The following DIAPH2 variants were observed in gnomAD, a reference collection of about 807,000 sequenced individuals.
The protein encoded by DIAPH2 is diaphanous related formin 2.
Under a neutral mutation model 92.7 loss-of-function variants are expected in DIAPH2, and 35 were observed. The ratio of observed to expected loss-of-function variants is 0.38; its 90% CI spans 0.29 to 0.50. The LOEUF (loss-of-function observed/expected upper bound fraction) is 0.50, where lower values mean the gene tolerates loss of function less well. Ranked by LOEUF, DIAPH2 falls within the 20% of genes least tolerant of loss-of-function variation. The pLI is 0.94. For missense variants in DIAPH2, 701 were observed against 819.5 expected, an observed-to-expected ratio of 0.86 and a Z score of 1.77; for synonymous variants, 301 against 280.4, an observed-to-expected ratio of 1.07 and a Z score of -0.73.
At chrX:96,885,046 G>A (rs2065250351) in intron 5 of DIAPH2, 2 of 1,208,478 alleles carry the variant, frequency 1.7e-6, no homozygotes, top group Non-Finnish European at 2.2e-6. Context: ...GACCGTTGAG[G>A]GCCACATCTA....
chrX:96,978,135 G>A (rs759335823), intron 17 of DIAPH2, among the ~76,000 whole-genome samples: 1 of 111,930 alleles, frequency 8.9e-6, no homozygotes, highest in African/African-American at 3.2e-5. Context: ...TATCTTGCAT[G>A]ATATAAGAAG....
intron 26 of DIAPH2, among the ~76,000 whole-genome samples, chrX:97,595,085 C>T (rs1266909316): frequency 8.9e-6 from 1 of 112,158 alleles, no homozygotes; most frequent in East Asian, 2.8e-4. Context: ...TCCAGTCTAT[C>T]TCATGTCACA....
chrX:97,288,557 C>G (rs1280535215), intron 23 of DIAPH2, among the ~76,000 whole-genome samples: 1 of 110,167 alleles, frequency 9.1e-6, no homozygotes, highest in Non-Finnish European at 1.9e-5. Flanking sequence ...GCCTGGCCAA[C>G]ATGGTGAACC....
chrX:97,293,660 T>C, intron 23 of DIAPH2, among the ~76,000 whole-genome samples: 1 of 112,283 alleles, frequency 8.9e-6, no homozygotes, highest in South Asian at 3.6e-4. Context: ...AGGAACTTTA[T>C]ATTTTATAAA....
At chrX:96,848,228 G>T (rs2064985217) in intron 4 of DIAPH2, among the ~76,000 whole-genome samples, 1 of 110,334 alleles carries the variant, frequency 9.1e-6, no homozygotes, top group African/African-American at 3.3e-5. Context: ...TTTTTGTAGA[G>T]TTGGGGTCTC....
chrX:96,997,859 G>A (rs750816711), intron 17 of DIAPH2, among the ~76,000 whole-genome samples: 2 of 112,119 alleles, frequency 1.8e-5, no homozygotes, highest in African/African-American at 6.5e-5. Flanking sequence ...TATATTAAAT[G>A]TCACACTTTT....
intron 26 of DIAPH2, among the ~76,000 whole-genome samples, chrX:97,544,006 T>A (rs902909831): frequency 3.6e-5 from 4 of 112,296 alleles, no homozygotes; most frequent in Non-Finnish European, 7.5e-5. Flanking sequence ...TAAATGTAAA[T>A]AGATCGTTTG....
chrX:97,083,098 G>T (rs928293566), intron 19 of DIAPH2, among the ~76,000 whole-genome samples: 1 of 111,351 alleles, frequency 9.0e-6, no homozygotes, highest in African/African-American at 3.3e-5. Context: ...TTTTTGCAAG[G>T]TTCTATTATA....
intron 17 of DIAPH2, among the ~76,000 whole-genome samples, chrX:97,028,301 ACTCT>A (rs927233772): frequency 1.8e-5 from 2 of 109,559 alleles, no homozygotes; most frequent in African/African-American, 6.6e-5. Flanking sequence ...TACTGAAACT[ACTCT>A]CTCTATTGCC....
In DIAPH2 at chrX:96,933,560, GTA is replaced by G. The variant is rs753351090; in HGVS notation, c.1089+2731_1089+2732del. 9.1e-3 allele frequency among the ~76,000 whole-genome samples: 904 copies of G among 99,156 alleles called. 5 individuals are homozygous for G. The highest frequency in any genetic ancestry group is 0.021 in the African/African-American group (582 of 27,455). 86.1% of individuals were successfully genotyped at this position (99,156 alleles called of 115,157 possible). A position where few individuals can be genotyped will look rare whatever the true frequency, so the allele number is the denominator to read the frequency against. On this transcript the variant is annotated intron_variant, in intron 10 of 26. Transcript: ENST00000324765. Reference sequence around the variant, plus strand: ...TATGTGTATATATATATGTGTGTGTGTATATATATATATATTTATATATTTTA... The same window carrying G: ...TATGTGTATATATATATGTGTGTGTGTATATATATATATTTATATATTTTA...
chrX:97,361,733 C>G (rs1191410042), intron 24 of DIAPH2, among the ~76,000 whole-genome samples: 3 of 111,813 alleles, frequency 2.7e-5, no homozygotes, highest in Non-Finnish European at 5.6e-5. Context: ...TTCCAGGCAT[C>G]ACATTCAAAT....
chrX:97,238,094 G>A (rs1172186666), intron 22 of DIAPH2, among the ~76,000 whole-genome samples: 3 of 112,206 alleles, frequency 2.7e-5, no homozygotes, highest in Non-Finnish European at 5.6e-5. Context: ...GGAAGGGACT[G>A]GGATTCTTCA....
chrX:96,713,784 TA>T (rs1419380887), intron 1 of DIAPH2, among the ~76,000 whole-genome samples: 1 of 111,909 alleles, frequency 8.9e-6, no homozygotes, highest in African/African-American at 3.3e-5. Context: ...AATATGCATC[TA>T]AGGTTCCACC....
intron 14 of DIAPH2, among the ~76,000 whole-genome samples, chrX:96,946,771 T>G (rs2065740458): frequency 9.0e-6 from 1 of 111,718 alleles, no homozygotes; most frequent in Non-Finnish European, 1.9e-5. Flanking sequence ...TGGAGCAAAT[T>G]GTGATTATCT....
At chrX:96,862,810 T>C (rs1216437500) in intron 4 of DIAPH2, among the ~76,000 whole-genome samples, 1 of 112,057 alleles carries the variant, frequency 8.9e-6, no homozygotes, top group African/African-American at 3.2e-5. Flanking sequence ...TTTACTGTGG[T>C]TGTTTTTGCC....
intron 17 of DIAPH2, among the ~76,000 whole-genome samples, chrX:97,060,128 T>A (rs1179029988): frequency 8.9e-6 from 1 of 112,686 alleles, no homozygotes; most frequent in African/African-American, 3.2e-5. Flanking sequence ...TAAGTTCAGA[T>A]TCAAAGCATT....
intron 26 of DIAPH2, among the ~76,000 whole-genome samples, chrX:97,437,585 A>G (rs943475012): frequency 1.1e-4 from 12 of 111,388 alleles, no homozygotes; most frequent in Non-Finnish European, 2.3e-4. Context: ...CCTTTGATCT[A>G]TGTTTGGAAG....
At chrX:97,455,695 C>T (rs1397512798) in intron 26 of DIAPH2, among the ~76,000 whole-genome samples, 1 of 112,055 alleles carries the variant, frequency 8.9e-6, no homozygotes, top group Non-Finnish European at 1.9e-5. Context: ...AACAACAAAA[C>T]CAAATATAGT....
At chrX:97,257,815 G>A (rs780476341) in intron 23 of DIAPH2, among the ~76,000 whole-genome samples, 83 of 111,004 alleles carry the variant, frequency 7.5e-4, no homozygotes, top group Non-Finnish European at 1.2e-3. Flanking sequence ...AGGTATAATA[G>A]AGTGACTTTT....
Sources: allele counts gnomAD v4.1 joint callset (sites outside exome capture counted in the v4.1 genomes callset), GRCh38; gene constraint gnomAD v4.1.1; transcripts MANE v1.5; gene names NCBI Gene and HGNC (gene_info 2026-07-23, HGNC 2026-07-21).